The following IGF1R variants were observed in gnomAD, a reference collection of about 807,000 sequenced individuals.
IGF1R encodes insulin-like growth factor 1 receptor.
In IGF1R, 44 loss-of-function variants were observed where a neutral mutation model predicts 144.6. That is an observed-to-expected ratio of 0.30 (90% CI 0.24 to 0.39). The LOEUF (loss-of-function observed/expected upper bound fraction) is 0.39, where lower values mean the gene tolerates loss of function less well. IGF1R is among the 10% of genes least tolerant of loss of function. The probability of loss-of-function intolerance (pLI) is 1.00; values close to 1 mark genes in which losing one functional copy is unlikely to be tolerated. For missense variants in IGF1R, 1,355 were observed against 1,833.7 expected (o/e 0.74, Z 4.77); for synonymous variants, 795 against 722.8 (o/e 1.10, Z -1.60).
At chr15:98,915,703 C>G (rs756214472) in intron 8 of IGF1R, among the ~76,000 whole-genome samples, 1 of 152,208 alleles carries the variant, frequency 6.6e-6, no homozygotes, top group Non-Finnish European at 1.5e-5. Flanking sequence ...CTTGTGCCCC[C>G]GCAGCCTTTT....
At chr15:98,665,501 G>C (rs1010951769) in intron 1 of IGF1R, among the ~76,000 whole-genome samples, 9 of 152,144 alleles carry the variant, frequency 5.9e-5, no homozygotes, top group Admixed American at 5.2e-4. Flanking sequence ...CTTCAAGGAG[G>C]GGGAGGTAAT....
At chr15:98,945,737 GA>G (rs532329915) in intron 19 of IGF1R, among the ~76,000 whole-genome samples, 37 of 152,242 alleles carry the variant, frequency 2.4e-4, no homozygotes, top group African/African-American at 7.7e-4. Flanking sequence ...AATAGATGTT[GA>G]AATGGCTCCT....
At chr15:98,661,187 T>C (rs1289465137) in intron 1 of IGF1R, among the ~76,000 whole-genome samples, 2 of 152,160 alleles carry the variant, frequency 1.3e-5, no homozygotes, top group Non-Finnish European at 2.9e-5. Flanking sequence ...GCCAGTAAGC[T>C]TTTGCCTCAC....
In IGF1R at chr15:98,728,658, C is replaced by T. The variant is rs116815080; in HGVS notation, c.640+20551C>T. 1.4e-3 allele frequency among the ~76,000 whole-genome samples: 210 copies of T among 152,358 alleles called. 1 individual carries two copies. Among genetic ancestry groups the T allele is most frequent in the African/African-American group, 4.9e-3 (205 of 41,590 alleles). ...AGGTGCCTATGCTGATGCCCAGGGC[C>T]GCCTGGGCGGGGTCAGGCCCCCATC... On this transcript the variant is annotated intron_variant, in intron 2 of 20. Coordinates refer to ENST00000650285, the MANE Select transcript of IGF1R (RefSeq NM_000875.5).
At chr15:98,695,138 G>C (rs1567080163) in intron 1 of IGF1R, among the ~76,000 whole-genome samples, 1 of 152,130 alleles carries the variant, frequency 6.6e-6, no homozygotes, top group Non-Finnish European at 1.5e-5. Flanking sequence ...TAGTTAACTC[G>C]TGCAAACAGT....
chr15:98,932,483 C>T (rs1456079056), intron 15 of IGF1R, among the ~76,000 whole-genome samples: 2 of 152,114 alleles, frequency 1.3e-5, no homozygotes, highest in African/African-American at 4.8e-5. Flanking sequence ...AAGTCGGAGC[C>T]GTTGGGTTGA....
intron 2 of IGF1R, among the ~76,000 whole-genome samples, chr15:98,843,710 C>T (rs1363536003): frequency 6.6e-6 from 1 of 152,132 alleles, no homozygotes; most frequent in Non-Finnish European, 1.5e-5. Context: ...CTGAGCAATA[C>T]GGAAGAAATT....
intron 20 of IGF1R, among the ~76,000 whole-genome samples, chr15:98,952,303 AAC>A (rs143223923): frequency 6.8e-4 from 100 of 146,660 alleles, no homozygotes; most frequent in East Asian, 1.6e-3. Flanking sequence ...GTACCCCACC[AAC>A]ACACACACAC....
intron 19 of IGF1R, 109 bp from the exon 20 acceptor site, chr15:98,948,465 T>C (rs2016641027): frequency 1.7e-6 from 2 of 1,169,812 alleles, no homozygotes; most frequent in Admixed American, 1.7e-5. Flanking sequence ...ACTGTCACCA[T>C]AGTAAGGACA....
At chr15:98,759,346 T>A (rs1158904475) in intron 2 of IGF1R, among the ~76,000 whole-genome samples, 1 of 152,240 alleles carries the variant, frequency 6.6e-6, no homozygotes, top group East Asian at 1.9e-4. Context: ...TGTGTATGTC[T>A]GTTCTTGGTT....
intron 2 of IGF1R, among the ~76,000 whole-genome samples, chr15:98,814,983 A>G (rs1271198667): frequency 6.6e-6 from 1 of 152,220 alleles, no homozygotes; most frequent in Non-Finnish European, 1.5e-5. Flanking sequence ...TAGCAGTTAT[A>G]AAGTTGTTAG....
Position 98,916,735 on chromosome 15 carries a change from C to T in IGF1R, c.2060C>T (p.Pro687Leu), listed in dbSNP as rs762618906. The change falls in exon 10 of 21, where the codon CCC (proline) becomes CTC (leucine). Residue 687 changes from proline (P) to leucine (L), a missense_variant. Coordinates refer to ENST00000650285, the MANE Select transcript of IGF1R (RefSeq NM_000875.5). ...GACATTGAGGAGGTCACAGAGAACC[C>T]CAAGACTGAGGTGTGTGGTGGGGAG... ...TIDIEEVTEN[P>L]KTEVCGGEKG... The T allele has an allele frequency of 6.2e-7, 1 of 1,614,064 alleles. No individual in the cohort carries two copies. Among genetic ancestry groups the T allele is most frequent in the Non-Finnish European group, 8.5e-7 (1 of 1,180,002 alleles).
chr15:98,777,017 G>C (rs985285336), intron 2 of IGF1R, among the ~76,000 whole-genome samples: 1 of 152,202 alleles, frequency 6.6e-6, no homozygotes, highest in Non-Finnish European at 1.5e-5. Context: ...TTCACAGAAG[G>C]CTTTGTTTCT....
At chr15:98,808,979 G>T (rs183188158) in intron 2 of IGF1R, among the ~76,000 whole-genome samples, 1 of 152,280 alleles carries the variant, frequency 6.6e-6, no homozygotes, top group Non-Finnish European at 1.5e-5. Flanking sequence ...GAGCCACTGT[G>T]CCCTCTGTAA....
In IGF1R at chr15:98,924,540, G is replaced by T. The variant is rs1182174604; in HGVS notation, c.2638G>T (p.Val880Leu). Reference protein sequence around the residue: ...GSQVEDQRECVSRQEYRKYGG... With the variant: ...GSQVEDQRECLSRQEYRKYGG... The stretch of plus-strand genomic sequence containing the variant: ...ATTTCCCCAGGATCAGCGAGAATGT[G>T]TGTCCAGACAGGAATACAGGAAGTA... The change falls in exon 13 of 21, where the codon GTG becomes TTG. Residue 880 changes from valine to leucine, a missense_variant. Transcript: ENST00000650285. 6.2e-7 allele frequency: 1 copy of T among 1,614,160 alleles called. No individual in the cohort carries two copies. Among genetic ancestry groups the T allele is most frequent in the Admixed American group, 1.7e-5 (1 of 60,026 alleles).
At position 98,777,186 on chromosome 15, in the gene IGF1R, T is replaced by C. The variant is rs534329091; in HGVS notation, c.640+69079T>C. Among the ~76,000 whole-genome samples the C allele has an allele frequency of 2.0e-5, 3 of 152,266 alleles. No homozygotes were observed. In the East Asian group the frequency reaches 5.8e-4, roughly 29 times the overall value. On this transcript the variant is annotated intron_variant, in intron 2 of 20. Transcript: ENST00000650285. ...GAGGGGCGGGTGTCCTGAAGCACGC[T>C]CAATTTGCTGATCAGGGCCTTCACT... is the stretch of plus-strand genomic sequence containing the variant.
At position 98,963,289 on chromosome 15, in the gene IGF1R, C is replaced by G. The variant is rs2017299698; in HGVS notation, c.*5847C>G. Reference sequence around the variant, plus strand: ...TGCCAAAAAAGGATTTCTCCCTGACCCCATCCGTGGTTCACCCTCTTTTCC... The same window carrying G: ...TGCCAAAAAAGGATTTCTCCCTGACGCCATCCGTGGTTCACCCTCTTTTCC... On this transcript the variant is annotated 3_prime_UTR_variant, in exon 21 of 21. Coordinates refer to ENST00000650285, the MANE Select transcript of IGF1R (RefSeq NM_000875.5). 2 of 233,066 alleles carry G rather than the reference C, an allele frequency of 8.6e-6. No individual in the cohort carries two copies. Among genetic ancestry groups the G allele is most frequent in the Non-Finnish European group, 1.7e-5 (2 of 117,986 alleles). 14.4% of individuals were successfully genotyped at this position (233,066 alleles called of 1,614,324 possible). A position where few individuals can be genotyped will look rare whatever the true frequency, so the allele number is the denominator to read the frequency against.
At chr15:98,956,144 G>T (rs574154047) in intron 20 of IGF1R, among the ~76,000 whole-genome samples, 1 of 152,214 alleles carries the variant, frequency 6.6e-6, no homozygotes, top group South Asian at 2.1e-4. Context: ...TTGTCCACGT[G>T]TGGCCGGCTG....
intron 17 of IGF1R, among the ~76,000 whole-genome samples, chr15:98,936,079 CCA>C (rs1398567504): frequency 1.3e-4 from 20 of 152,334 alleles, no homozygotes; most frequent in African/African-American, 4.8e-4. Context: ...AACCCCCTCC[CCA>C]CACACAGTCC....
Sources: gnomAD v4.1 joint callset for allele counts (sites outside exome capture counted in the v4.1 genomes callset) on GRCh38, gnomAD v4.1.1 for gene constraint, MANE v1.5 for transcripts, NCBI Gene and HGNC (gene_info 2026-07-23, HGNC 2026-07-21) for gene names.